TOPAZ1: variants seen among roughly 807,000 people sequenced by gnomAD.
The protein encoded by TOPAZ1 is protein TOPAZ1.
Under a neutral mutation model 172.2 loss-of-function variants are expected in TOPAZ1, and 66 were observed. That is an observed-to-expected ratio of 0.38 (90% CI 0.31 to 0.47). TOPAZ1 has a LOEUF of 0.47. Among genes scored for constraint, TOPAZ1 ranks in the 20% least tolerant of loss-of-function variants. The pLI, the probability that TOPAZ1 is intolerant of heterozygous loss-of-function variation, is 0.99. For synonymous variants in TOPAZ1, 681 were observed against 683.9 expected (o/e 1.00, Z 0.07); for missense variants, 1,822 against 1,972.4 (o/e 0.92, Z 1.44).
chr3:44,279,577 T>C (rs1028151864), intron 8 of TOPAZ1, among the ~76,000 whole-genome samples: 1 of 152,172 alleles, frequency 6.6e-6, no homozygotes, highest in Non-Finnish European at 1.5e-5. Flanking sequence ...TGACTTTATC[T>C]TTTTTGTTAT....
At position 44,267,101 on chromosome 3, in the gene TOPAZ1, G is replaced by C; in HGVS notation, c.3125G>C (p.Arg1042Pro). 6.5e-7 allele frequency: 1 copy of C among 1,545,704 alleles called. No homozygotes were observed. Among genetic ancestry groups the C allele is most frequent in the Non-Finnish European group, 8.7e-7 (1 of 1,144,572 alleles). Residue 1042 changes from arginine to proline, a missense_variant, in exon 6 of 20, where the codon CGT becomes CCT. Arg to Pro is a moderately radical substitution (Grantham distance 103). This residue lies in a region of TOPAZ1 where 1,489 missense variants were observed against 1,490.8 expected (regional missense o/e 1.00). Coordinates refer to ENST00000309765, the MANE Select transcript of TOPAZ1 (RefSeq NM_001145030.2). ...LLVPPLNLSG[R>P]QEDTILNTWM... ...GTACCTCCTTTGAATCTAAGTGGTCGTCAAGAAGACACAATACTGAATACC... is the reference window on the plus strand; with the variant it reads ...GTACCTCCTTTGAATCTAAGTGGTCCTCAAGAAGACACAATACTGAATACC...
At chr3:44,288,182 A>T (rs1053551495) in intron 11 of TOPAZ1, among the ~76,000 whole-genome samples, 1 of 152,136 alleles carries the variant, frequency 6.6e-6, no homozygotes, top group South Asian at 2.1e-4. Context: ...GACTTACAAA[A>T]ATATAAAATT....
At position 44,244,140 on chromosome 3, in the gene TOPAZ1, AATT is replaced by A. The variant is rs1043254377; in HGVS notation, c.1642_1644del (p.Leu548del). 6.4e-7 allele frequency: 1 copy of A among 1,551,550 alleles called. No homozygotes were observed. Among genetic ancestry groups the A allele is most frequent in the Non-Finnish European group, 8.7e-7 (1 of 1,146,844 alleles). ...AACCAGACCCATTTAACTGACTCCAAATTATTATTACAAAGTTCCTTAACAGAA... is the reference window on the plus strand; with the variant it reads ...AACCAGACCCATTTAACTGACTCCAAATTATTACAAAGTTCCTTAACAGAA... On this transcript the variant is annotated inframe_deletion, in exon 2 of 20. Coordinates refer to ENST00000309765, the MANE Select transcript of TOPAZ1 (RefSeq NM_001145030.2).
In TOPAZ1 at chr3:44,287,449, T is replaced by TG; in HGVS notation, c.3498dup (p.Leu1167AlafsTer3). 6.6e-7 allele frequency: 1 copy of TG among 1,526,620 alleles called. No individual in the cohort carries two copies. Among genetic ancestry groups the TG allele is most frequent in the Non-Finnish European group, 8.8e-7 (1 of 1,134,300 alleles). 94.6% of individuals were successfully genotyped at this position (1,526,620 alleles called of 1,614,324 possible). Reference sequence around the variant, plus strand: ...CCAGGTGTATACTTTGATTTACAAGTGCTAAATGACCTTCTAAATTCTTTA... The same window carrying TG: ...CCAGGTGTATACTTTGATTTACAAGTGGCTAAATGACCTTCTAAATTCTTTA... On this transcript the variant is annotated frameshift_variant, in exon 10 of 20. Transcript: ENST00000309765. LOFTEE classifies it high-confidence loss of function.
At chr3:44,317,271 A>G (rs1700461247) in intron 16 of TOPAZ1, among the ~76,000 whole-genome samples, 1 of 152,150 alleles carries the variant, frequency 6.6e-6, no homozygotes. Flanking sequence ...AAATACAAAA[A>G]TTAGCCTAGC....
rs1162388719 is a variant in TOPAZ1 at position 44,242,909 on chromosome 3, G to C, written c.403G>C (p.Asp135His). ...ASSDDPQPGLDLVRKESLTSS... is the reference protein window; with the variant it reads ...ASSDDPQPGLHLVRKESLTSS... ...AAGTGATGATCCACAGCCAGGGCTT[G>C]ACTTGGTAAGAAAGGAATCATTAAC... The change falls in exon 2 of 20, where the codon GAC (aspartate) becomes CAC (histidine). Residue 135 changes from aspartate to histidine, a missense_variant. Asp to His is a moderately conservative substitution (Grantham distance 81, BLOSUM62 -1). Around this residue, in one of 2 missense-constraint regions of TOPAZ1, gnomAD observed 1,489 missense variants for 1,490.8 expected, o/e 1.00. Coordinates refer to ENST00000309765, the MANE Select transcript of TOPAZ1 (RefSeq NM_001145030.2). 10 of 1,540,826 alleles carry C rather than the reference G, an allele frequency of 6.5e-6. No homozygotes were observed. Among genetic ancestry groups the C allele is most frequent in the Middle Eastern group, 1.7e-4 (1 of 5,938 alleles).
chr3:44,301,542 G>A (rs1700272468), intron 12 of TOPAZ1, among the ~76,000 whole-genome samples: 1 of 152,182 alleles, frequency 6.6e-6, no homozygotes, highest in African/African-American at 2.4e-5. Context: ...TAATGTGTTA[G>A]AATGTTTTTC....
At chr3:44,312,809 T>C (rs888969378) in intron 16 of TOPAZ1, among the ~76,000 whole-genome samples, 6 of 152,228 alleles carry the variant, frequency 3.9e-5, no homozygotes, top group Non-Finnish European at 8.8e-5. Flanking sequence ...AAAAAAGTTA[T>C]GCCATTTATT....
chr3:44,281,851 C>T (rs541493892), intron 8 of TOPAZ1, 117 bp from the exon 9 acceptor site: 3 of 586,534 alleles, frequency 5.1e-6, no homozygotes, highest in Admixed American at 3.6e-5. Flanking sequence ...TTCTTTATTC[C>T]AATCCTTTGA....
At chr3:44,296,158 T>C (rs1700191406) in intron 12 of TOPAZ1, among the ~76,000 whole-genome samples, 1 of 152,122 alleles carries the variant, frequency 6.6e-6, no homozygotes, top group South Asian at 2.1e-4. Context: ...AGTGAACTGT[T>C]AGAACTGAAT....
intron 8 of TOPAZ1, among the ~76,000 whole-genome samples, chr3:44,276,233 C>A (rs564895537): frequency 4.5e-4 from 69 of 152,168 alleles, no homozygotes; most frequent in African/African-American, 1.6e-3. Context: ...GTTGCCTGTG[C>A]TTTTGCAGTT....
chr3:44,318,517 T>C (rs1232624055), intron 16 of TOPAZ1, among the ~76,000 whole-genome samples: 2 of 148,650 alleles, frequency 1.3e-5, no homozygotes, highest in African/African-American at 2.5e-5. Context: ...CGGGGGAGGG[T>C]TTGCATAGAG....
chr3:44,243,112 G>C lies in TOPAZ1; in HGVS notation c.606G>C (p.Leu202=). ...TTAAGGTTGAATTCCAAGATGAACT[G>C]TACAAGAATACTCCAAAATATTCTT... ...QNIKVEFQDE[L]YKNTPKYSCN... is the part of the protein sequence containing the mutation. The change falls in exon 2 of 20, where the codon CTG becomes CTC. Residue 202 remains leucine, a synonymous_variant. Coordinates refer to ENST00000309765, the MANE Select transcript of TOPAZ1 (RefSeq NM_001145030.2). 6.5e-7 allele frequency: 1 copy of C among 1,549,926 alleles called. No homozygotes were observed. Among genetic ancestry groups the C allele is most frequent in the Non-Finnish European group, 8.7e-7 (1 of 1,146,130 alleles).
intron 16 of TOPAZ1, among the ~76,000 whole-genome samples, chr3:44,311,109 A>C (rs979024590): frequency 1.5e-4 from 23 of 152,200 alleles, no homozygotes; most frequent in African/African-American, 5.3e-4. Flanking sequence ...ACACACTAAC[A>C]CACAAACACT....
intron 4 of TOPAZ1, among the ~76,000 whole-genome samples, chr3:44,260,860 C>T (rs1699767332): frequency 6.6e-6 from 1 of 152,062 alleles, no homozygotes; most frequent in Non-Finnish European, 1.5e-5. Flanking sequence ...GTTAGGAGCA[C>T]ACTTATTTTC....
chr3:44,311,303 A>G (rs1217563894), intron 16 of TOPAZ1, among the ~76,000 whole-genome samples: 2 of 152,234 alleles, frequency 1.3e-5, no homozygotes, highest in South Asian at 2.1e-4. Flanking sequence ...CTAAGTGGGA[A>G]GAGTACCAAA....
intron 3 of TOPAZ1, 78 bp from the exon 4 acceptor site, chr3:44,256,073 C>A: frequency 8.8e-7 from 1 of 1,135,956 alleles, no homozygotes; most frequent in South Asian, 1.9e-5. Flanking sequence ...AATTCTGAGT[C>A]ATTTTTTAGA....
Position 44,243,261 on chromosome 3 carries a change from G to A in TOPAZ1, c.755G>A (p.Cys252Tyr), listed in dbSNP as rs981364160. The part of the protein sequence containing the change: ...NNLPYKPDGG[C>Y]MHVAENFSKK... ...CTGCCATATAAACCTGATGGTGGAT[G>A]TATGCATGTAGCAGAAAATTTCTCA... The change falls in exon 2 of 20, where the codon TGT (cysteine) becomes TAT (tyrosine). Residue 252 changes from cysteine (C) to tyrosine (Y), a missense_variant. Cys to Tyr is a radical substitution (Grantham distance 194). This residue lies in a region of TOPAZ1 where 1,489 missense variants were observed against 1,490.8 expected (regional missense o/e 1.00). Transcript: ENST00000309765. The A allele has an allele frequency of 1.3e-5, 20 of 1,551,396 alleles. No homozygotes were observed. Among genetic ancestry groups the A allele is most frequent in the Non-Finnish European group, 1.7e-5 (19 of 1,146,916 alleles).
intron 12 of TOPAZ1, among the ~76,000 whole-genome samples, chr3:44,294,075 A>G (rs1298926747): frequency 6.6e-6 from 1 of 152,128 alleles, no homozygotes; most frequent in African/African-American, 2.4e-5. Flanking sequence ...CCTCATCTCT[A>G]CAAAAAATAG....
Sources: allele counts gnomAD v4.1 joint callset (sites outside exome capture counted in the v4.1 genomes callset), GRCh38; gene constraint gnomAD v4.1.1; regional missense constraint gnomAD v4.1.1; transcripts MANE v1.5; gene names NCBI Gene and HGNC (gene_info 2026-07-23, HGNC 2026-07-21).